The following SNTG1 variants were observed in gnomAD, a reference collection of about 807,000 sequenced individuals.
The protein encoded by SNTG1 is syntrophin gamma 1.
A neutral mutation model predicts 74.7 loss-of-function variants in SNTG1; 39 were observed. That is an observed-to-expected ratio of 0.52 (90% confidence interval 0.40 to 0.68). The LOEUF (loss-of-function observed/expected upper bound fraction) is 0.68, where lower values mean the gene tolerates loss of function less well. SNTG1 is among the 30% of genes least tolerant of loss of function. The probability of loss-of-function intolerance (pLI) is 0.00; values close to 1 mark genes in which losing one functional copy is unlikely to be tolerated. For missense variants in SNTG1, 685 were observed against 609.5 expected, an observed-to-expected ratio of 1.12 and a Z score of -1.30; for synonymous variants, 254 against 217.1, an observed-to-expected ratio of 1.17 and a Z score of -1.49.
intron 17 of SNTG1, among the ~76,000 whole-genome samples, chr8:50,745,864 A>G (rs970133792): frequency 1.5e-4 from 23 of 151,930 alleles, no homozygotes; most frequent in African/African-American, 5.3e-4. Context: ...TGCCTGGGGC[A>G]GTGGGGAAAG....
chr8:49,985,947 A>T (rs1011024400), intron 1 of SNTG1, among the ~76,000 whole-genome samples: 13 of 151,950 alleles, frequency 8.6e-5, no homozygotes, highest in Admixed American at 1.3e-4. Context: ...TCTACTTATT[A>T]AAAATCCAAA....
rs566432525 is a variant in SNTG1 at position 50,717,455 on chromosome 8, C to G, written c.1284+8477C>G. Among the ~76,000 whole-genome samples, 4 of 152,192 alleles carry G rather than the reference C, an allele frequency of 2.6e-5. No homozygotes were observed. In the East Asian group the frequency reaches 7.7e-4, roughly 29 times the overall value. Reference sequence around the variant, plus strand: ...CTTTGCTTTTCCTTACAGCGTTATTCTAAAATTAAATGAGATAGCATGTTA... The same window carrying G: ...CTTTGCTTTTCCTTACAGCGTTATTGTAAAATTAAATGAGATAGCATGTTA... On this transcript the variant is annotated intron_variant, in intron 17 of 18. Transcript: ENST00000642720.
At chr8:50,611,797 C>T (rs186772594) in intron 13 of SNTG1, among the ~76,000 whole-genome samples, 115 of 152,210 alleles carry the variant, frequency 7.6e-4, no homozygotes, top group Admixed American at 2.0e-3. Context: ...GTCAGGGTCT[C>T]ACTCTGTCAC....
intron 1 of SNTG1, among the ~76,000 whole-genome samples, chr8:50,125,823 C>A (rs541902593): frequency 6.6e-6 from 1 of 152,188 alleles, no homozygotes; most frequent in African/African-American, 2.4e-5. Context: ...AAATGCTGAT[C>A]GTATGGCATG....
chr8:50,023,522 AG>A (rs1817005067), intron 1 of SNTG1, among the ~76,000 whole-genome samples: 1 of 152,152 alleles, frequency 6.6e-6, no homozygotes, highest in African/African-American at 2.4e-5. Flanking sequence ...AGAGGGTAAA[AG>A]CTAAAGCCTG....
intron 1 of SNTG1, among the ~76,000 whole-genome samples, chr8:50,046,057 C>T (rs1819058025): frequency 6.6e-6 from 1 of 152,236 alleles, no homozygotes; most frequent in Admixed American, 6.5e-5. Flanking sequence ...TTAGACAATA[C>T]ATAAACAAAT....
chr8:49,981,892 TA>T (rs1370463889), intron 1 of SNTG1, among the ~76,000 whole-genome samples: 1 of 152,152 alleles, frequency 6.6e-6, no homozygotes, highest in African/African-American at 2.4e-5. Flanking sequence ...AAAAATATTT[TA>T]AAAGTTAAAT....
chr8:50,369,548 A>G (rs1327762660), intron 2 of SNTG1, among the ~76,000 whole-genome samples: 3 of 151,882 alleles, frequency 2.0e-5, no homozygotes, highest in African/African-American at 2.4e-5. Context: ...GTGAGCTAAG[A>G]TTGCATCATT....
intron 1 of SNTG1, among the ~76,000 whole-genome samples, chr8:50,151,383 T>C (rs1210780536): frequency 6.6e-6 from 1 of 152,206 alleles, no homozygotes; most frequent in Middle Eastern, 3.2e-3. Context: ...CACTGATTTT[T>C]TTAAAGGCTT....
intron 15 of SNTG1, among the ~76,000 whole-genome samples, chr8:50,694,754 T>A (rs10958041): frequency 6.6e-6 from 1 of 151,868 alleles, no homozygotes; most frequent in Non-Finnish European, 1.5e-5. Context: ...GATTTATCCC[T>A]GGAATGCAAA....
Position 49,978,509 on chromosome 8 carries a change from C to T in SNTG1, c.-103+66278C>T, listed in dbSNP as rs72639814. On this transcript the variant is annotated intron_variant, in intron 1 of 18. Transcript: ENST00000642720. ...CATGGGTGGCCTTCATTCATGGCCACGATCACTGAAGTGGCTCTGAAGTGT... is the reference window on the plus strand; with the variant it reads ...CATGGGTGGCCTTCATTCATGGCCATGATCACTGAAGTGGCTCTGAAGTGT... 4.6e-3 allele frequency among the ~76,000 whole-genome samples: 702 copies of T among 152,228 alleles called. 3 individuals carry two copies. Among genetic ancestry groups the T allele is most frequent in the Middle Eastern group, 0.01 (3 of 294 alleles).
At chr8:50,266,813 TTGAGCCACA>T in intron 2 of SNTG1, among the ~76,000 whole-genome samples, 1 of 151,974 alleles carries the variant, frequency 6.6e-6, no homozygotes, top group Admixed American at 6.6e-5. Context: ...CCCCCCGGTT[TTGAGCCACA>T]GTGCTACTCT....
chr8:50,743,750 C>T (rs939143743), intron 17 of SNTG1, among the ~76,000 whole-genome samples: 2 of 151,804 alleles, frequency 1.3e-5, no homozygotes, highest in Non-Finnish European at 2.9e-5. Flanking sequence ...AACACACACA[C>T]ATCAGATGTA....
chr8:50,194,935 A>T (rs1022899600), intron 2 of SNTG1, among the ~76,000 whole-genome samples: 6 of 151,780 alleles, frequency 4.0e-5, no homozygotes, highest in African/African-American at 1.5e-4. Flanking sequence ...CCAGAAGATG[A>T]CTCTTTCTAG....
chr8:50,580,478 G>A (rs1256322177), intron 12 of SNTG1, among the ~76,000 whole-genome samples: 5 of 152,042 alleles, frequency 3.3e-5, no homozygotes, highest in African/African-American at 4.8e-5. Flanking sequence ...TGATATGGTT[G>A]GGTTGTGTCC....
intron 1 of SNTG1, among the ~76,000 whole-genome samples, chr8:50,095,766 C>G (rs1340299540): frequency 6.6e-6 from 1 of 151,888 alleles, no homozygotes; most frequent in Non-Finnish European, 1.5e-5. Context: ...TGGAAAAAAA[C>G]TGAAGAAAGA....
intron 12 of SNTG1, among the ~76,000 whole-genome samples, chr8:50,565,647 C>A (rs2130720890): frequency 6.6e-6 from 1 of 152,046 alleles, no homozygotes; most frequent in Admixed American, 6.6e-5. Flanking sequence ...TGTTAGGGAG[C>A]AGGACTGTAA....
chr8:50,154,866 GA>G (rs2131561813), intron 1 of SNTG1, among the ~76,000 whole-genome samples: 1 of 152,184 alleles, frequency 6.6e-6, no homozygotes, highest in Non-Finnish European at 1.5e-5. Context: ...GACATTAGTG[GA>G]AAAAAGGTAA....
intron 1 of SNTG1, among the ~76,000 whole-genome samples, chr8:50,089,653 A>C (rs2079637454): frequency 6.6e-6 from 1 of 152,252 alleles, no homozygotes; most frequent in South Asian, 2.1e-4. Flanking sequence ...AACACATGAA[A>C]AGATGCTCAT....
Sources: allele counts gnomAD v4.1 joint callset (sites outside exome capture counted in the v4.1 genomes callset), GRCh38; gene constraint gnomAD v4.1.1; transcripts MANE v1.5; gene names NCBI Gene and HGNC (gene_info 2026-07-23, HGNC 2026-07-21).